Variants in PLCZ1 observed in about 807,000 individuals in gnomAD.
PLCZ1 encodes phospholipase C zeta 1, also known as 1-phosphatidylinositol 4,5-bisphosphate phosphodiesterase zeta-1.
A neutral mutation model predicts 76.8 loss-of-function variants in PLCZ1; 64 were observed. The ratio of observed to expected loss-of-function variants is 0.83; its 90% CI spans 0.68 to 1.03. The LOEUF (loss-of-function observed/expected upper bound fraction) is 1.03. Among genes scored for constraint, PLCZ1 ranks in the 50% least tolerant of loss-of-function variants. PLCZ1 has a pLI of 0.00. For synonymous variants in PLCZ1, 248 were observed against 230.8 expected, an observed-to-expected ratio of 1.07 and a Z score of -0.68; for missense variants, 751 against 713.7, an observed-to-expected ratio of 1.05 and a Z score of -0.60.
At position 18,736,256 on chromosome 12, in the gene PLCZ1, G is replaced by A. The variant is rs376713289; in HGVS notation, c.100C>T (p.Arg34Trp). 110 of 1,612,498 alleles carry A rather than the reference G, an allele frequency of 6.8e-5. No individual in the cohort carries two copies. Among genetic ancestry groups the A allele is most frequent in the African/African-American group, 1.1e-4 (8 of 74,840 alleles). ...TGTTTCACATGAATATAACTGCACC[G>A]AATATCTAATTTTTCAAGTAACCTC... is the stretch of plus-strand genomic sequence containing the variant. ...TQRLLEKLDIRCSYIHVKQIF... is the reference protein window; with the variant it reads ...TQRLLEKLDIWCSYIHVKQIF... The change falls in exon 3 of 15, where the codon CGG becomes TGG. Residue 34 changes from arginine (R) to tryptophan (W), a missense_variant. Arg to Trp is a moderately radical substitution (Grantham distance 101). Transcript: ENST00000266505.
chr12:18,687,955 G>C (rs1953413126), intron 13 of PLCZ1, 134 bp downstream of exon 13: 1 of 1,147,018 alleles, frequency 8.7e-7, no homozygotes, highest in South Asian at 1.5e-5. Flanking sequence ...ATAACATTTT[G>C]CTAATTTTGG....
At position 18,683,431 on chromosome 12, in the gene PLCZ1, C is replaced by T. The variant is rs892696198; in HGVS notation, c.1742-107G>A. On this transcript the variant is annotated intron_variant, in intron 14 of 14. Coordinates refer to ENST00000266505, the MANE Select transcript of PLCZ1 (RefSeq NM_033123.4). ...TCTTTACTAAGCCTACATTAAAAAC[C>T]ATGACTATAGAGTTATATTCCCATC... 5 of 1,451,658 alleles carry T rather than the reference C, an allele frequency of 3.4e-6. No individual in the cohort carries two copies. The African/African-American group carries it at 5.6e-5, about 16-fold the overall frequency. The allele number at this position is 1,451,658 out of a possible 1,614,324, so 89.9% of individuals were successfully genotyped here.
At chr12:18,685,626 C>G (rs765461613) in intron 13 of PLCZ1, 1 of 516,362 alleles carries the variant, frequency 1.9e-6, no homozygotes, top group East Asian at 5.5e-5. Flanking sequence ...AACTAATTGG[C>G]TCATGCTGGA....
intron 12 of PLCZ1, among the ~76,000 whole-genome samples, chr12:18,690,559 T>A (rs1275282519): frequency 1.3e-5 from 2 of 152,072 alleles, no homozygotes; most frequent in Admixed American, 6.6e-5. Flanking sequence ...CTCAGACAAA[T>A]GGAGAAGACA....
At chr12:18,646,339 T>A in the PLCZ1 span, among the ~76,000 whole-genome samples, 1 of 152,192 alleles carries the variant, frequency 6.6e-6, no homozygotes, top group Non-Finnish European at 1.5e-5. Context: ...TAATCTCCTG[T>A]ATGGAATGAG....
At chr12:18,695,210 A>G (rs1360738315) in intron 11 of PLCZ1, 131 bp from the exon 12 acceptor site, 3 of 888,486 alleles carry the variant, frequency 3.4e-6, no homozygotes, top group African/African-American at 1.7e-5. Flanking sequence ...CATTAGCCTA[A>G]TAATTCATGA....
downstream of PLCZ1, among the ~76,000 whole-genome samples, chr12:18,679,797 G>C (rs897296734): frequency 3.3e-5 from 5 of 151,902 alleles, no homozygotes; most frequent in Non-Finnish European, 5.9e-5. Context: ...AGTAGAAAAA[G>C]GGCACTTATC....
chr12:18,724,626 T>A (rs1958643991), intron 3 of PLCZ1, among the ~76,000 whole-genome samples: 1 of 152,066 alleles, frequency 6.6e-6, no homozygotes, highest in Admixed American at 6.6e-5. Flanking sequence ...AATTATATAA[T>A]CTTAAAGTAA....
intron 10 of PLCZ1, among the ~76,000 whole-genome samples, chr12:18,699,225 C>T (rs1315516317): frequency 6.6e-6 from 1 of 152,158 alleles, no homozygotes; most frequent in Non-Finnish European, 1.5e-5. Context: ...CTTCCCCTTC[C>T]TTCACCATAG....
the PLCZ1 span, among the ~76,000 whole-genome samples, chr12:18,661,515 T>C: frequency 2.0e-5 from 3 of 152,076 alleles, no homozygotes; most frequent in Admixed American, 6.6e-5. Context: ...AAAACTGTCC[T>C]TCATAAATAA....
chr12:18,685,108 G>C (rs1284804329), intron 13 of PLCZ1, among the ~76,000 whole-genome samples: 1 of 152,052 alleles, frequency 6.6e-6, no homozygotes, highest in African/African-American at 2.4e-5. Flanking sequence ...GACTAATACA[G>C]TCAGTCTTAT....
intron 3 of PLCZ1, among the ~76,000 whole-genome samples, chr12:18,735,570 T>A (rs1207215868): frequency 6.6e-6 from 1 of 152,174 alleles, no homozygotes; most frequent in Non-Finnish European, 1.5e-5. Flanking sequence ...TTGGTCTGTT[T>A]AACCTTTCTA....
intron 13 of PLCZ1, among the ~76,000 whole-genome samples, chr12:18,687,745 TTTG>T (rs1182913088): frequency 2.0e-5 from 3 of 152,060 alleles, no homozygotes; most frequent in African/African-American, 7.2e-5. Context: ...ATCACAAATT[TTTG>T]ATTTAATACA....
downstream of PLCZ1, among the ~76,000 whole-genome samples, chr12:18,682,739 A>G (rs1375712981): frequency 6.6e-6 from 1 of 151,984 alleles, no homozygotes; most frequent in Non-Finnish European, 1.5e-5. Context: ...ACTCCAGTGC[A>G]CAGCATCTAA....
At chr12:18,647,828 T>A in the PLCZ1 span, 1 of 1,156,480 alleles carries the variant, frequency 8.6e-7, no homozygotes, top group Non-Finnish European at 1.2e-6. Flanking sequence ...AAAAGAGATG[T>A]ATTTAAGCAT....
the PLCZ1 span, among the ~76,000 whole-genome samples, chr12:18,663,913 A>C: frequency 6.6e-6 from 1 of 152,286 alleles, no homozygotes; most frequent in East Asian, 1.9e-4. Flanking sequence ...ATAGCCAAAC[A>C]ACCTGGTTTA....
At position 18,710,008 on chromosome 12, in the gene PLCZ1, T is replaced by A. The variant is rs114730206; in HGVS notation, c.714+2834A>T. Among the ~76,000 whole-genome samples the A allele has an allele frequency of 7.2e-3, 1,094 of 151,996 alleles. 11 individuals carry two copies. The highest frequency in any genetic ancestry group is 0.025 in the African/African-American group (1,045 of 41,444). ...TGATTTAAATATGTCGATTTTGTGTTCTGCAACTTTACTGAATTCATTTAT... is the reference window on the plus strand; with the variant it reads ...TGATTTAAATATGTCGATTTTGTGTACTGCAACTTTACTGAATTCATTTAT... On this transcript the variant is annotated intron_variant, in intron 6 of 14. Coordinates refer to ENST00000266505, the MANE Select transcript of PLCZ1 (RefSeq NM_033123.4).
intron 12 of PLCZ1, chr12:18,694,047 A>C: frequency 7.2e-7 from 1 of 1,389,034 alleles, no homozygotes. Flanking sequence ...AAATCTAAAG[A>C]AAATGTTCTT....
At chr12:18,708,928 G>C (rs1956967206) in intron 6 of PLCZ1, among the ~76,000 whole-genome samples, 1 of 151,846 alleles carries the variant, frequency 6.6e-6, no homozygotes, top group Non-Finnish European at 1.5e-5. Flanking sequence ...CAGATACATG[G>C]TTTGCAAATA....
Sources: gnomAD v4.1 joint callset for allele counts (sites outside exome capture counted in the v4.1 genomes callset) on GRCh38, gnomAD v4.1.1 for gene constraint, MANE v1.5 for transcripts, NCBI Gene and HGNC (gene_info 2026-07-23, HGNC 2026-07-21) for gene names.